Variants in CDH13 observed in about 807,000 individuals in gnomAD.
CDH13 encodes cadherin 13.
In CDH13, 24 loss-of-function variants were observed where a neutral mutation model predicts 63.8. The observed-to-expected ratio is 0.38, with a 90% CI of 0.27 to 0.53. CDH13 has a LOEUF of 0.53. Among genes scored for constraint, CDH13 ranks in the 20% least tolerant of loss-of-function variants. The pLI, the probability that CDH13 is intolerant of heterozygous loss-of-function variation, is 0.85. For missense variants in CDH13, 1,049 were observed against 903.1 expected (o/e 1.16, Z -2.07); for synonymous variants, 503 against 355.3 (o/e 1.42, Z -4.67).
intron 6 of CDH13, among the ~76,000 whole-genome samples, chr16:83,455,086 C>A (rs894532325): frequency 2.6e-5 from 4 of 152,204 alleles, no homozygotes; most frequent in African/African-American, 7.2e-5. Flanking sequence ...ATTGTTATCA[C>A]ACTTTCTAAG....
In CDH13 at chr16:82,672,999, C is replaced by CTTTTTCTTT. The variant is rs1555531928; in HGVS notation, c.45+45867_45+45868insCTTTTTTTT. Among the ~76,000 whole-genome samples the CTTTTTCTTT allele has an allele frequency of 3.1e-4, 25 of 81,280 alleles. 1 individual carries two copies. The highest frequency in any genetic ancestry group is 1.2e-3 in the African/African-American group (23 of 18,640). 53.3% of individuals were successfully genotyped at this position (81,280 alleles called of 152,430 possible). ...GTATGGCTAATTTTTATAAAGTTTT[C>CTTTTTCTTT]TTTTTTTTTTTTTTTTTTTTGTAGA... On this transcript the variant is annotated intron_variant, in intron 1 of 13. Transcript: ENST00000567109.
chr16:83,204,902 C>G (rs1246622832), intron 4 of CDH13, among the ~76,000 whole-genome samples: 1 of 152,190 alleles, frequency 6.6e-6, no homozygotes, highest in Admixed American at 6.5e-5. Context: ...ACTAGAGTTC[C>G]TAATGCTTTC....
At chr16:83,474,538 C>T (rs938774639) in intron 6 of CDH13, among the ~76,000 whole-genome samples, 59 of 152,192 alleles carry the variant, frequency 3.9e-4, no homozygotes, top group African/African-American at 1.3e-3. Flanking sequence ...CATGTTTGCT[C>T]AACCTCATTC....
chr16:82,873,588 C>A (rs1316606000), intron 2 of CDH13, among the ~76,000 whole-genome samples: 1 of 152,190 alleles, frequency 6.6e-6, no homozygotes, highest in Non-Finnish European at 1.5e-5. Flanking sequence ...AAACTTCCAG[C>A]TCCTAATTTT....
chr16:82,840,786 T>C (rs2038978230), intron 1 of CDH13, among the ~76,000 whole-genome samples: 2 of 151,840 alleles, frequency 1.3e-5, no homozygotes, highest in African/African-American at 4.8e-5. Context: ...TTTAAGGAGA[T>C]ACTGGAGACA....
intron 2 of CDH13, among the ~76,000 whole-genome samples, chr16:83,015,880 T>C (rs983067915): frequency 6.6e-6 from 1 of 151,592 alleles, no homozygotes; most frequent in African/African-American, 2.4e-5. Context: ...CCACTTGTGA[T>C]GGAAAGCTAT....
chr16:83,767,096 C>T (rs78419740), intron 11 of CDH13, among the ~76,000 whole-genome samples: 1 of 152,290 alleles, frequency 6.6e-6, no homozygotes, highest in East Asian at 1.9e-4. Flanking sequence ...CTCACTGTGG[C>T]AAGACCAGGG....
chr16:82,807,532 G>A (rs1378974632), intron 1 of CDH13, among the ~76,000 whole-genome samples: 1 of 150,986 alleles, frequency 6.6e-6, no homozygotes, highest in African/African-American at 2.4e-5. Flanking sequence ...AAAGAAATAA[G>A]AGCAAAACCA....
At chr16:83,046,490 A>G (rs910166843) in intron 3 of CDH13, among the ~76,000 whole-genome samples, 1 of 152,252 alleles carries the variant, frequency 6.6e-6, no homozygotes, top group East Asian at 1.9e-4. Flanking sequence ...TATCCCATAT[A>G]TGTTTTGAGA....
At chr16:83,751,410 C>G (rs1251151576) in intron 11 of CDH13, among the ~76,000 whole-genome samples, 2 of 151,068 alleles carry the variant, frequency 1.3e-5, no homozygotes, top group Non-Finnish European at 3.0e-5. Flanking sequence ...GCCTGGCCAA[C>G]ATGGCAAAAC....
At chr16:82,969,478 C>CTT (rs10652088) in intron 2 of CDH13, among the ~76,000 whole-genome samples, 18,325 of 131,092 alleles carry the variant, frequency 0.14, 1,514 homozygotes, top group African/African-American at 0.21. Context: ...TCTGCATATT[C>CTT]TTTTTTTTTT....
At chr16:83,739,376 A>G (rs1911847205) in intron 10 of CDH13, among the ~76,000 whole-genome samples, 1 of 152,220 alleles carries the variant, frequency 6.6e-6, no homozygotes, top group Admixed American at 6.5e-5. Flanking sequence ...CACTGGGAGC[A>G]GACTCCTGCA....
intron 1 of CDH13, among the ~76,000 whole-genome samples, chr16:82,857,010 A>G (rs565468913): frequency 7.2e-5 from 11 of 152,328 alleles, no homozygotes; most frequent in African/African-American, 2.6e-4. Context: ...CTATGCTCAG[A>G]TAAAATACCC....
At chr16:83,592,045 C>G (rs1315337035) in intron 7 of CDH13, among the ~76,000 whole-genome samples, 1 of 152,208 alleles carries the variant, frequency 6.6e-6, no homozygotes, top group Admixed American at 6.5e-5. Flanking sequence ...CCTATAATGT[C>G]TAAGTCAACT....
At chr16:83,553,832 C>T (rs750094535) in intron 7 of CDH13, among the ~76,000 whole-genome samples, 2 of 152,242 alleles carry the variant, frequency 1.3e-5, no homozygotes, top group Non-Finnish European at 2.9e-5. Context: ...GCTGGGATTA[C>T]AGGCGTGAGC....
At position 83,041,542 on chromosome 16, in the gene CDH13, T is replaced by A. The variant is rs193176625; in HGVS notation, c.366+9324T>A. Among the ~76,000 whole-genome samples, 793 of 152,300 alleles carry A rather than the reference T, an allele frequency of 5.2e-3. 7 individuals carry two copies. Among genetic ancestry groups the A allele is most frequent in the African/African-American group, 0.016 (657 of 41,564 alleles). ...CCCTGCTAATACGTCTCTTACTGCATTGGGTGGTTACAACTTTTAAATCCA... is the reference window on the plus strand; with the variant it reads ...CCCTGCTAATACGTCTCTTACTGCAATGGGTGGTTACAACTTTTAAATCCA... On this transcript the variant is annotated intron_variant, in intron 3 of 13. Coordinates refer to ENST00000567109, the MANE Select transcript of CDH13 (RefSeq NM_001257.5).
At chr16:82,943,684 G>A (rs936456942) in intron 2 of CDH13, among the ~76,000 whole-genome samples, 1 of 152,174 alleles carries the variant, frequency 6.6e-6, no homozygotes, top group African/African-American at 2.4e-5. Flanking sequence ...ACACTTTGGA[G>A]AACAAAGAAA....
chr16:82,950,802 C>G (rs1424833478), intron 2 of CDH13, among the ~76,000 whole-genome samples: 2 of 146,858 alleles, frequency 1.4e-5, no homozygotes, highest in African/African-American at 2.5e-5. Context: ...TTAGAACTCC[C>G]ACATCTTTTT....
intron 6 of CDH13, among the ~76,000 whole-genome samples, chr16:83,387,807 C>A (rs1166852721): frequency 1.3e-5 from 2 of 152,186 alleles, no homozygotes; most frequent in Non-Finnish European, 2.9e-5. Flanking sequence ...CCCCCTGGCA[C>A]TTTCCCCTTG....
Sources: gnomAD v4.1 joint callset for allele counts (sites outside exome capture counted in the v4.1 genomes callset) on GRCh38, gnomAD v4.1.1 for gene constraint, MANE v1.5 for transcripts, NCBI Gene and HGNC (gene_info 2026-07-23, HGNC 2026-07-21) for gene names.